Variants in KIAA1210 observed in about 807,000 individuals in gnomAD.
KIAA1210 encodes the protein acrosomal protein KIAA1210.
In KIAA1210, 48 loss-of-function variants were observed where a neutral mutation model predicts 78.9. That is an observed-to-expected ratio of 0.61 (90% CI 0.48 to 0.77). The LOEUF (loss-of-function observed/expected upper bound fraction) is 0.77. KIAA1210 is among the 30% of genes least tolerant of loss of function. The pLI, the probability that KIAA1210 is intolerant of heterozygous loss-of-function variation, is 0.00. For missense variants in KIAA1210, 1,108 were observed against 1,100.0 expected (o/e 1.01, Z -0.10); for synonymous variants, 406 against 404.5 (o/e 1.00, Z -0.04).
chrX:119,083,152 T>G (rs1927019972), intron 10 of KIAA1210, 32 bp from the exon 11 acceptor site: 1 of 1,098,861 alleles, frequency 9.1e-7, no homozygotes, highest in Admixed American at 2.3e-5. Context: ...AGAAAGCTTG[T>G]AAGTTCTGAC....
At chrX:119,128,031 C>G (rs763917583), upstream of KIAA1210, among the ~76,000 whole-genome samples, 90 of 111,363 alleles carry the variant, frequency 8.1e-4, no homozygotes, top group African/African-American at 2.7e-3. Context: ...GTCCTTGGCT[C>G]TCTTCTTTGT....
At chrX:119,092,594 T>C (rs992107856) in intron 8 of KIAA1210, among the ~76,000 whole-genome samples, 6 of 109,932 alleles carry the variant, frequency 5.5e-5, no homozygotes, top group Admixed American at 9.8e-5. Flanking sequence ...ACTCCCTCTC[T>C]ACTAAAAATA....
intron 2 of KIAA1210, among the ~76,000 whole-genome samples, chrX:119,139,766 G>A (rs192493009): frequency 8.9e-6 from 1 of 111,894 alleles, no homozygotes; most frequent in African/African-American, 3.2e-5. Context: ...CAAGTGTGGT[G>A]AAGAAAAAGC....
At chrX:119,109,829 T>A (rs764757054) in intron 3 of KIAA1210, among the ~76,000 whole-genome samples, 2 of 111,786 alleles carry the variant, frequency 1.8e-5, no homozygotes, top group African/African-American at 6.5e-5. Flanking sequence ...CTACAATATA[T>A]CTATCCTATT....
At chrX:119,150,612 C>G (rs1456521750), upstream of KIAA1210, 1 of 1,165,151 alleles carries the variant, frequency 8.6e-7, no homozygotes, top group East Asian at 3.0e-5. Context: ...TCTCTGTGTC[C>G]CCCGACCTGC....
Position 119,088,814 on chromosome X carries a change from C to T in KIAA1210, c.1888G>A (p.Gly630Arg). The T allele has an allele frequency of 8.3e-7, 1 of 1,211,416 alleles. No homozygotes were observed. Among genetic ancestry groups the T allele is most frequent in the Non-Finnish European group, 1.1e-6 (1 of 895,342 alleles). The change falls in exon 9 of 12, where the codon GGG becomes AGG. Residue 630 changes from glycine to arginine, a missense_variant. By Grantham distance (125) the Gly-to-Arg change is moderately radical. Transcript: ENST00000691062. ...ACTTCTTGTTCATCTTCAAACTTCC[C>T]CAAGGACTGGGAAGAGTGACCATGA... ...LAHGHSSQSL[G>R]KFEDEQEVFS...
upstream of KIAA1210, among the ~76,000 whole-genome samples, chrX:119,150,817 C>A (rs1929282275): frequency 8.9e-6 from 1 of 112,726 alleles, no homozygotes; most frequent in South Asian, 3.7e-4. Flanking sequence ...CCTCGCCGCC[C>A]GTTTTTGCGG....
In KIAA1210 at chrX:119,123,578, T is replaced by A; in HGVS notation, c.61+4A>T. The A allele has an allele frequency of 8.4e-7, 1 of 1,184,558 alleles. No individual in the cohort carries two copies. Among genetic ancestry groups the A allele is most frequent in the Non-Finnish European group, 1.1e-6 (1 of 872,509 alleles). ...GGTTATCAAAGTTTTATTGGGTTAC[T>A]TACCCTCATCACCGGCCTCCAGAAC... On this transcript the variant is annotated splice_donor_region_variant and intron_variant, in intron 2 of 11. Transcript: ENST00000691062.
chrX:119,122,446 C>A (rs1004768756), intron 2 of KIAA1210, among the ~76,000 whole-genome samples: 24 of 112,000 alleles, frequency 2.1e-4, no homozygotes, highest in African/African-American at 7.8e-4. Context: ...CCAGCCCTGA[C>A]TAGTTCTAAA....
At position 119,105,117 on chromosome X, in the gene KIAA1210, T is replaced by C. The variant is rs1199970651; in HGVS notation, c.523A>G (p.Ile175Val). Reference sequence around the variant, plus strand: ...TCAGGTTGGATAACAGGTGGGATGATGCTGAGTCGGCGTCGGCGCGATGGT... The same window carrying C: ...TCAGGTTGGATAACAGGTGGGATGACGCTGAGTCGGCGTCGGCGCGATGGT... ...NPPSRRRRLS[I>V]IPPVIQPEII... Residue 175 changes from isoleucine to valine, a missense_variant, in exon 6 of 12, where the codon ATC becomes GTC. This residue lies in a region of KIAA1210 where 672 missense variants were observed against 607.1 expected (regional missense o/e 1.11). Transcript: ENST00000691062. 8.3e-7 allele frequency: 1 copy of C among 1,207,247 alleles called. No individual in the cohort carries two copies. Among genetic ancestry groups the C allele is most frequent in the African/African-American group, 1.8e-5 (1 of 57,056 alleles).
At chrX:119,124,591 T>C (rs1324616819) in intron 1 of KIAA1210, among the ~76,000 whole-genome samples, 1 of 111,925 alleles carries the variant, frequency 8.9e-6, no homozygotes, top group Non-Finnish European at 1.9e-5. Flanking sequence ...AACATCTGAC[T>C]ACATGAAAAT....
Position 119,134,530 on chromosome X carries a change from T to C in KIAA1210, c.411-10878A>G, listed in dbSNP as rs1287829375. 3.6e-5 allele frequency among the ~76,000 whole-genome samples: 4 copies of C among 112,061 alleles called. 1 individual carries two copies. The highest frequency in any genetic ancestry group is 2.8e-4 in the East Asian group (1 of 3,577). On this transcript the variant is annotated intron_variant, in intron 2 of 13. Transcript: ENST00000402510. ...AGGGAGAGAAGATCATCTTTCTACA[T>C]TCCACACCCTCACCTGTGGGTATTT...
intron 8 of KIAA1210, among the ~76,000 whole-genome samples, chrX:119,093,212 C>A (rs754263936): frequency 1.8e-5 from 2 of 112,211 alleles, no homozygotes; most frequent in Admixed American, 1.9e-4. Context: ...CAGACATTTT[C>A]TCTCTACAGG....
upstream of KIAA1210, chrX:119,150,593 G>GT (rs1490787098): frequency 4.2e-6 from 5 of 1,191,552 alleles, no homozygotes; most frequent in Admixed American, 4.5e-5. Context: ...CCCGCGTAGA[G>GT]TTGACCTGTC....
In KIAA1210 at chrX:119,089,059, T is replaced by A. The variant is rs1348776889; in HGVS notation, c.1643A>T (p.Asp548Val). The change falls in exon 9 of 12, where the codon GAT (aspartate) becomes GTT (valine). Residue 548 changes from aspartate (D) to valine (V), a missense_variant. Asp to Val is a radical substitution (Grantham distance 152, BLOSUM62 -3). This residue lies in a region of KIAA1210 where 672 missense variants were observed against 607.1 expected (regional missense o/e 1.11). Transcript: ENST00000691062. ...CTTTTCTTTGCAGATAGTTTGAACA[T>A]CCTGGGCTGACTCCATTTTGGATTG... The part of the protein sequence containing the change: ...KAQSKMESAQ[D>V]VQTICKEKPS... 2 of 1,211,774 alleles carry A rather than the reference T, an allele frequency of 1.7e-6. No homozygotes were observed. The highest frequency in any genetic ancestry group is 1.8e-5 in the South Asian group (1 of 57,008).
chrX:119,108,205 A>G, intron 5 of KIAA1210, 132 bp downstream of exon 5: 1 of 570,463 alleles, frequency 1.8e-6, no homozygotes, highest in Non-Finnish European at 2.8e-6. Flanking sequence ...GTAGATGAGG[A>G]AAAGAAGGCC....
At chrX:119,122,421 C>G (rs1236782623) in intron 2 of KIAA1210, among the ~76,000 whole-genome samples, 1 of 111,690 alleles carries the variant, frequency 9.0e-6, no homozygotes, top group African/African-American at 3.3e-5. Flanking sequence ...TCCCAACAGC[C>G]ACCTTATTCT....
intron 3 of KIAA1210, among the ~76,000 whole-genome samples, chrX:119,115,144 C>T (rs1216162604): frequency 9.0e-6 from 1 of 111,422 alleles, no homozygotes; most frequent in East Asian, 2.8e-4. Context: ...CTTCCCCTAG[C>T]ACATTAAGCA....
intron 2 of KIAA1210, among the ~76,000 whole-genome samples, chrX:119,138,496 G>A (rs1928974937): frequency 9.0e-6 from 1 of 111,608 alleles, no homozygotes; most frequent in Admixed American, 9.5e-5. Flanking sequence ...TAGGATTACA[G>A]GCATGAGCCA....
Sources: gnomAD v4.1 joint callset for allele counts (sites outside exome capture counted in the v4.1 genomes callset) on GRCh38, gnomAD v4.1.1 for gene constraint, gnomAD v4.1.1 regional missense constraint, MANE v1.5 for transcripts, NCBI Gene and HGNC (gene_info 2026-07-23, HGNC 2026-07-21) for gene names.